CMTM8: variants seen among roughly 807,000 people sequenced by gnomAD.
The protein encoded by CMTM8 is CKLF like MARVEL transmembrane domain containing 8.
Under a neutral mutation model 18.6 loss-of-function variants are expected in CMTM8, and 12 were observed. The observed-to-expected ratio is 0.65, with a 90% confidence interval of 0.41 to 1.05. The LOEUF (loss-of-function observed/expected upper bound fraction) is 1.05. Ranked by LOEUF, CMTM8 falls within the 50% of genes least tolerant of loss-of-function variation. The pLI is 0.00. For missense variants in CMTM8, 217 were observed against 227.2 expected (o/e 0.95, Z 0.29); for synonymous variants, 87 against 90.6 (o/e 0.96, Z 0.23).
At chr3:32,276,869 A>G (rs756447937) in intron 1 of CMTM8, among the ~76,000 whole-genome samples, 2 of 151,702 alleles carry the variant, frequency 1.3e-5, no homozygotes, top group Non-Finnish European at 2.9e-5. Flanking sequence ...CATGATTCTA[A>G]TATCTAGCCC....
chr3:32,314,372 G>A (rs989580404), intron 1 of CMTM8, among the ~76,000 whole-genome samples: 5 of 152,164 alleles, frequency 3.3e-5, no homozygotes, highest in African/African-American at 1.2e-4. Flanking sequence ...GAAATTGAGG[G>A]AGGGTTGATG....
At chr3:32,269,672 C>T (rs1702406384) in intron 1 of CMTM8, among the ~76,000 whole-genome samples, 2 of 152,162 alleles carry the variant, frequency 1.3e-5, no homozygotes, top group African/African-American at 4.8e-5. Context: ...ATTTACATAG[C>T]TGAGAAGTGG....
intron 3 of CMTM8, among the ~76,000 whole-genome samples, chr3:32,368,395 A>G (rs985075398): frequency 4.6e-5 from 7 of 151,946 alleles, no homozygotes; most frequent in Non-Finnish European, 7.4e-5. Flanking sequence ...AATATATACC[A>G]GTAGAGGTTC....
At chr3:32,360,943 T>C (rs4266227) in intron 2 of CMTM8, among the ~76,000 whole-genome samples, 139,216 of 152,292 alleles carry the variant, frequency 0.91, 64,178 homozygotes, top group Non-Finnish European at 0.97. Flanking sequence ...ATCCATAATC[T>C]CTGAGTCAAA....
At chr3:32,283,181 G>A (rs910854459) in intron 1 of CMTM8, among the ~76,000 whole-genome samples, 1 of 152,156 alleles carries the variant, frequency 6.6e-6, no homozygotes, top group Non-Finnish European at 1.5e-5. Flanking sequence ...ATGCTTAGGG[G>A]GAGCATGATA....
chr3:32,331,695 T>C (rs1208095819), intron 1 of CMTM8, among the ~76,000 whole-genome samples: 1 of 152,188 alleles, frequency 6.6e-6, no homozygotes, highest in Non-Finnish European at 1.5e-5. Context: ...CAATGGAGAA[T>C]TATTCAGCCT....
At position 32,239,117 on chromosome 3, in the gene CMTM8, A is replaced by T; in HGVS notation, c.145A>T (p.Ile49Phe). The change falls in exon 1 of 4, where the codon ATC (isoleucine) becomes TTC (phenylalanine). Residue 49 changes from isoleucine to phenylalanine, a missense_variant and splice_region_variant. Physicochemically the swap from Ile to Phe is conservative, Grantham distance 21 (BLOSUM62 0). Coordinates refer to ENST00000307526, the MANE Select transcript of CMTM8 (RefSeq NM_178868.5). ...TLPGFLIVAE[I>F]VLGLLVWTLI... The stretch of plus-strand genomic sequence containing the variant: ...GCCCGGCTTCCTCATCGTGGCCGAG[A>T]TCGTGAGTGCCGACGGGCCGGGGGT... 2 of 1,597,512 alleles carry T rather than the reference A, an allele frequency of 1.3e-6. No homozygotes were observed. The highest frequency in any genetic ancestry group is 1.7e-6 in the Non-Finnish European group (2 of 1,172,820).
Position 32,243,621 on chromosome 3 carries a change from T to C in CMTM8, c.147+4502T>C, listed in dbSNP as rs532608680. 4.6e-5 allele frequency among the ~76,000 whole-genome samples: 7 copies of C among 152,172 alleles called. No homozygotes were observed. In the South Asian group the frequency reaches 1.5e-3, roughly 32 times the overall value. ...ATTTTTGGATAATTGTCTTCTCTTC[T>C]CAGCTGCAGTCCACTCAGACTGACT... On this transcript the variant is annotated intron_variant, in intron 1 of 3. Coordinates refer to ENST00000307526, the MANE Select transcript of CMTM8 (RefSeq NM_178868.5).
rs893739059 is a variant in CMTM8 at position 32,314,865 on chromosome 3, G to A, written c.148-42508G>A. Among the ~76,000 whole-genome samples, 107 of 150,538 alleles carry A rather than the reference G, an allele frequency of 7.1e-4. 2 individuals carry two copies. The highest frequency in any genetic ancestry group is 2.1e-3 in the Admixed American group (32 of 15,034). On this transcript the variant is annotated intron_variant, in intron 1 of 3. Transcript: ENST00000307526. ...AGGCTCAGGGTTGGGTGGCGGGGGG[G>A]GTCCAACTGAGGCCTTGTTGATGGA...
intron 1 of CMTM8, among the ~76,000 whole-genome samples, chr3:32,304,165 T>C (rs899575526): frequency 1.3e-5 from 2 of 152,250 alleles, no homozygotes; most frequent in African/African-American, 4.8e-5. Flanking sequence ...GATCGCATGA[T>C]AATTGGTTGT....
At chr3:32,248,652 C>T (rs1486148407) in intron 1 of CMTM8, among the ~76,000 whole-genome samples, 1 of 151,994 alleles carries the variant, frequency 6.6e-6, no homozygotes, top group African/African-American at 2.4e-5. Flanking sequence ...GCATGAGCCA[C>T]CACACCTGGC....
intron 1 of CMTM8, among the ~76,000 whole-genome samples, chr3:32,247,015 C>T (rs1324757046): frequency 2.6e-5 from 4 of 152,168 alleles, no homozygotes; most frequent in South Asian, 2.1e-4. Flanking sequence ...GCAGGAGAAT[C>T]GCTTGAACCT....
intron 1 of CMTM8, among the ~76,000 whole-genome samples, chr3:32,255,656 C>T (rs909784903): frequency 6.6e-6 from 1 of 152,220 alleles, no homozygotes; most frequent in South Asian, 2.1e-4. Flanking sequence ...TACCTTCATA[C>T]TTGAATAATA....
chr3:32,257,552 T>C (rs1485837774), intron 1 of CMTM8, among the ~76,000 whole-genome samples: 2 of 152,218 alleles, frequency 1.3e-5, no homozygotes, highest in African/African-American at 4.8e-5. Context: ...CAGTTAAGTA[T>C]GCTCTGCCTT....
chr3:32,259,946 C>A, intron 1 of CMTM8: 2 of 1,144,068 alleles, frequency 1.7e-6, no homozygotes, highest in Non-Finnish European at 2.6e-6. Context: ...GCAGATAGAG[C>A]AGCTCAACGG....
intron 1 of CMTM8, among the ~76,000 whole-genome samples, chr3:32,336,945 G>A (rs990156770): frequency 6.6e-5 from 10 of 152,110 alleles, no homozygotes; most frequent in African/African-American, 2.4e-4. Context: ...AAGGCCAAGG[G>A]GTCATAGCTG....
intron 1 of CMTM8, among the ~76,000 whole-genome samples, chr3:32,333,942 A>G (rs1367137561): frequency 6.6e-6 from 1 of 151,934 alleles, no homozygotes; most frequent in Non-Finnish European, 1.5e-5. Context: ...AGAAGGGGAT[A>G]TGTGGGAACT....
intron 1 of CMTM8, among the ~76,000 whole-genome samples, chr3:32,289,915 G>A (rs973295146): frequency 5.3e-5 from 8 of 152,300 alleles, no homozygotes; most frequent in Non-Finnish European, 7.4e-5. Context: ...TAGATTGCTC[G>A]AGCTTAGAAG....
chr3:32,258,099 C>G (rs1199115518), intron 1 of CMTM8, among the ~76,000 whole-genome samples: 2 of 152,192 alleles, frequency 1.3e-5, no homozygotes, highest in Non-Finnish European at 2.9e-5. Flanking sequence ...AACTCATTCC[C>G]TCTCCAACTT....
Sources: allele counts gnomAD v4.1 joint callset (sites outside exome capture counted in the v4.1 genomes callset), GRCh38; gene constraint gnomAD v4.1.1; transcripts MANE v1.5; gene names NCBI Gene and HGNC (gene_info 2026-07-23, HGNC 2026-07-21).